RABL3: variants seen among roughly 807,000 people sequenced by gnomAD.
RABL3 encodes rab-like protein 3.
A neutral mutation model predicts 31.8 loss-of-function variants in RABL3; 31 were observed. The observed-to-expected ratio is 0.97, with a 90% CI of 0.73 to 1.31. RABL3 has a LOEUF of 1.31. Among genes scored for constraint, RABL3 ranks in the 40% most tolerant of loss-of-function variants. The probability of loss-of-function intolerance (pLI) is 0.00; values close to 1 mark genes in which losing one functional copy is unlikely to be tolerated. For synonymous variants in RABL3, 97 were observed against 99.9 expected, an observed-to-expected ratio of 0.97 and a Z score of 0.18; for missense variants, 263 against 279.6, an observed-to-expected ratio of 0.94 and a Z score of 0.42.
Position 120,689,721 on chromosome 3 carries a change from G to A in RABL3, c.*102C>T. The A allele has an allele frequency of 2.4e-6, 2 of 821,516 alleles. No homozygotes were observed. The highest frequency in any genetic ancestry group is 2.1e-6 in the Non-Finnish European group (1 of 486,246). The allele number at this position is 821,516 out of a possible 1,614,324, so 50.9% of individuals were successfully genotyped here. ...GTAAGGCTGAAGGGTAGCATTTTAA[G>A]ATGATTTTGTTAAAAGGCTGTGATG... On this transcript the variant is annotated 3_prime_UTR_variant, in exon 8 of 8. Coordinates refer to ENST00000273375, the MANE Select transcript of RABL3 (RefSeq NM_173825.5).
intron 6 of RABL3, among the ~76,000 whole-genome samples, chr3:120,693,118 C>G (rs1708399500): frequency 6.6e-6 from 1 of 151,700 alleles, no homozygotes; most frequent in African/African-American, 2.4e-5. Flanking sequence ...CCCTGAGGAC[C>G]CTGGCTGCTC....
chr3:120,740,420 C>A (rs1369024883), intron 1 of RABL3, among the ~76,000 whole-genome samples: 1 of 152,080 alleles, frequency 6.6e-6, no homozygotes, highest in Non-Finnish European at 1.5e-5. Flanking sequence ...ACCACCATGC[C>A]CGGCTAACTT....
At chr3:120,717,095 A>T (rs1708679350) in intron 2 of RABL3, among the ~76,000 whole-genome samples, 1 of 152,056 alleles carries the variant, frequency 6.6e-6, no homozygotes, top group South Asian at 2.1e-4. Context: ...TCTACTCAAA[A>T]TACAAAAAAA....
intron 2 of RABL3, among the ~76,000 whole-genome samples, chr3:120,711,344 T>C (rs1176636522): frequency 6.6e-6 from 1 of 152,156 alleles, no homozygotes; most frequent in African/African-American, 2.4e-5. Flanking sequence ...CAAGTTCTGC[T>C]TCTTTGACTT....
At chr3:120,710,361 A>G (rs1243642856) in intron 2 of RABL3, 2 of 152,592 alleles carry the variant, frequency 1.3e-5, no homozygotes, top group East Asian at 1.9e-4. Context: ...CTGTCCTTCA[A>G]TCAATTCCAC....
At chr3:120,734,628 C>A (rs1375990004) in intron 1 of RABL3, among the ~76,000 whole-genome samples, 1 of 152,172 alleles carries the variant, frequency 6.6e-6, no homozygotes, top group Non-Finnish European at 1.5e-5. Context: ...TGCCAGTTTT[C>A]AAAGTGAATG....
chr3:120,724,687 C>T (rs1046068952), intron 2 of RABL3, among the ~76,000 whole-genome samples: 1 of 152,108 alleles, frequency 6.6e-6, no homozygotes, highest in Non-Finnish European at 1.5e-5. Context: ...CTGACAAAAA[C>T]AAGAAATGGG....
At chr3:120,708,996 G>C (rs1708582200) in intron 3 of RABL3, among the ~76,000 whole-genome samples, 1 of 151,962 alleles carries the variant, frequency 6.6e-6, no homozygotes, top group Non-Finnish European at 1.5e-5. Flanking sequence ...ACCTAATATT[G>C]AGTGAGATCT....
At chr3:120,706,457 T>C (rs2107581061) in intron 3 of RABL3, among the ~76,000 whole-genome samples, 1 of 152,132 alleles carries the variant, frequency 6.6e-6, no homozygotes, top group East Asian at 1.9e-4. Flanking sequence ...GAATCAAAAC[T>C]ACTTCAAGTA....
chr3:120,740,614 G>A (rs559792676), intron 1 of RABL3, among the ~76,000 whole-genome samples: 4 of 152,258 alleles, frequency 2.6e-5, no homozygotes, highest in Admixed American at 2.6e-4. Context: ...AAGGGAAATG[G>A]CCTTTATTTA....
chr3:120,702,477 C>T (rs1002188059), intron 4 of RABL3, among the ~76,000 whole-genome samples: 65 of 152,286 alleles, frequency 4.3e-4, no homozygotes, highest in African/African-American at 1.3e-3. Context: ...CACTCACCTC[C>T]CACTGTGTGG....
intron 6 of RABL3, among the ~76,000 whole-genome samples, chr3:120,691,159 T>C (rs904001274): frequency 5.9e-5 from 9 of 152,178 alleles, no homozygotes; most frequent in Non-Finnish European, 8.8e-5. Flanking sequence ...CCTCAAAATA[T>C]ATGTCCAAAT....
chr3:120,714,314 G>A (rs948791322), intron 2 of RABL3, among the ~76,000 whole-genome samples: 1 of 152,114 alleles, frequency 6.6e-6, no homozygotes, highest in African/African-American at 2.4e-5. Flanking sequence ...GATACTAGGA[G>A]AATATACCAC....
At position 120,702,192 on chromosome 3, in the gene RABL3, C is replaced by G. The variant is rs186243244; in HGVS notation, c.384-3619G>C. The stretch of plus-strand genomic sequence containing the variant: ...GTTGTGGCAAAGGCTATAACACAAG[C>G]AGAATGCTCAAAAACAACAGTCCCC... On this transcript the variant is annotated intron_variant, in intron 4 of 7. Transcript: ENST00000273375. Among the ~76,000 whole-genome samples, 117 of 152,258 alleles carry G rather than the reference C, an allele frequency of 7.7e-4. 1 individual carries two copies. Among genetic ancestry groups the G allele is most frequent in the African/African-American group, 2.3e-3 (96 of 41,568 alleles).
chr3:120,741,391 T>A (rs911367423), intron 1 of RABL3, among the ~76,000 whole-genome samples: 1 of 152,234 alleles, frequency 6.6e-6, no homozygotes, highest in African/African-American at 2.4e-5. Context: ...TTAACCTATA[T>A]TTGCTGCCCA....
intron 2 of RABL3, among the ~76,000 whole-genome samples, chr3:120,724,881 T>C (rs1269807498): frequency 2.6e-5 from 4 of 151,988 alleles, no homozygotes; most frequent in Non-Finnish European, 5.9e-5. Context: ...ATTCAGGACA[T>C]AGGCATGGGC....
chr3:120,731,803 G>A (rs1708886684), intron 1 of RABL3, among the ~76,000 whole-genome samples: 1 of 152,168 alleles, frequency 6.6e-6, no homozygotes, highest in Non-Finnish European at 1.5e-5. Context: ...TGTACTCCCA[G>A]TGCTTTGGGA....
intron 2 of RABL3, 56 bp from the exon 3 acceptor site, chr3:120,709,965 A>G: frequency 2.3e-6 from 3 of 1,313,264 alleles, no homozygotes; most frequent in South Asian, 2.7e-5. Context: ...ACTAGTAAGT[A>G]CCCTTATTCC....
At chr3:120,706,747 T>A (rs1708553918) in intron 3 of RABL3, among the ~76,000 whole-genome samples, 1 of 152,034 alleles carries the variant, frequency 6.6e-6, no homozygotes, top group Admixed American at 6.6e-5. Context: ...GATTTAGTTA[T>A]TAGAGCAAAA....
Sources: allele counts gnomAD v4.1 joint callset (sites outside exome capture counted in the v4.1 genomes callset), GRCh38; gene constraint gnomAD v4.1.1; transcripts MANE v1.5; gene names NCBI Gene and HGNC (gene_info 2026-07-23, HGNC 2026-07-21).